TAF1L: variants seen among roughly 807,000 people sequenced by gnomAD.
The protein encoded by TAF1L is TATA-box binding protein associated factor 1 like.
TAF1L carries 30 observed loss-of-function variants against 128.8 expected under a neutral mutation model. That is an observed-to-expected ratio of 0.23 (90% CI 0.17 to 0.32). The LOEUF (loss-of-function observed/expected upper bound fraction) is 0.32. TAF1L is among the 10% of genes least tolerant of loss of function. The pLI, the probability that TAF1L is intolerant of heterozygous loss-of-function variation, is 1.00. For missense variants in TAF1L, 2,099 were observed against 2,253.7 expected, an observed-to-expected ratio of 0.93 and a Z score of 1.39; for synonymous variants, 764 against 790.7, an observed-to-expected ratio of 0.97 and a Z score of 0.57.
rs752145675 is a variant in TAF1L at position 32,635,006 on chromosome 9, G to C, written c.574C>G (p.Pro192Ala). The C allele has an allele frequency of 1.2e-6, 2 of 1,613,892 alleles. No individual in the cohort carries two copies. Among genetic ancestry groups the C allele is most frequent in the Non-Finnish European group, 1.7e-6 (2 of 1,180,024 alleles). Residue 192 changes from proline to alanine, a missense_variant, in exon 1 of 1, where the codon CCT becomes GCT. Physicochemically the swap from Pro to Ala is conservative, Grantham distance 27. This residue lies in a region of TAF1L where 473 missense variants were observed against 429.6 expected (regional missense o/e 1.10). Transcript: ENST00000242310. ...ACTTTCTCTGAGGCCAAAAAGGAAG[G>C]GGCAATGATGGAGGGCAAGATGATG... Reference protein sequence around the residue: ...EDIILPSIIAPSFLASEKVDF... With the variant: ...EDIILPSIIAASFLASEKVDF...
Position 32,629,990 on chromosome 9 carries a change from G to C in TAF1L, c.*109C>G. 1 of 1,564,562 alleles carries C rather than the reference G, an allele frequency of 6.4e-7. No individual in the cohort carries two copies. Among genetic ancestry groups the C allele is most frequent in the Non-Finnish European group, 8.7e-7 (1 of 1,155,460 alleles). On this transcript the variant is annotated 3_prime_UTR_variant, in exon 1 of 1. Transcript: ENST00000242310. ...CGATGCTGCTGAAGCTTGTGTCTTG[G>C]GTGTTCAACTTGGGATCAGGCTCCT...
rs747968495 is a variant in TAF1L, at chr9:32,630,990, C to T, written c.4590G>A (p.Leu1530=). The stretch of plus-strand genomic sequence containing the variant: ...TCATTTTCTGGGTGACAATGTTGTC[C>T]AGAATGAAAGAAAATGCCACTTGGT... ...DDDQVAFSFI[L]DNIVTQKMMA... Residue 1530 remains leucine (L), a synonymous_variant, in exon 1 of 1, where the codon CTG becomes CTA. Transcript: ENST00000242310. 6.2e-7 allele frequency: 1 copy of T among 1,614,060 alleles called. No homozygotes were observed. The highest frequency in any genetic ancestry group is 8.5e-7 in the Non-Finnish European group (1 of 1,180,020).
At position 32,632,567 on chromosome 9, in the gene TAF1L, T is replaced by C. The variant is rs1337586666; in HGVS notation, c.3013A>G (p.Lys1005Glu). The C allele has an allele frequency of 1.9e-6, 3 of 1,614,240 alleles. No individual in the cohort carries two copies. The highest frequency in any genetic ancestry group is 3.3e-5 in the Admixed American group (2 of 60,024). Residue 1005 changes from lysine to glutamate, a missense_variant, in exon 1 of 1, where the codon AAG (lysine) becomes GAG (glutamate). By Grantham distance (56) the Lys-to-Glu change is moderately conservative. Coordinates refer to ENST00000242310, the MANE Select transcript of TAF1L (RefSeq NM_153809.2). This position sits in a 1 kb window ranked among gnomAD's most constrained non-coding sequence, Gnocchi z 4.4. ...KDDKEPQAVK[K>E]TVTGTDADLR... ...TCTGCATCTGTTCCTGTCACTGTCT[T>C]CTTCACTGCCTGTGGCTCTTTATCA...
Position 32,630,533 on chromosome 9 carries a change from C to A in TAF1L, c.5047G>T (p.Val1683Leu). ...TSLSTSRDAS[V>L]FQDESNLSVL... Reference sequence around the variant, plus strand: ...GACAAATTGCTCTCATCTTGAAATACAGAGGCATCTCGAGACGTACTGAGG... The same window carrying A: ...GACAAATTGCTCTCATCTTGAAATAAAGAGGCATCTCGAGACGTACTGAGG... Residue 1683 changes from valine (V) to leucine (L), a missense_variant, in exon 1 of 1, where the codon GTA becomes TTA. Around this residue, in one of 4 missense-constraint regions of TAF1L, gnomAD observed 404 missense variants for 406.5 expected, o/e 0.99. Coordinates refer to ENST00000242310, the MANE Select transcript of TAF1L (RefSeq NM_153809.2). The A allele has an allele frequency of 6.2e-7, 1 of 1,614,216 alleles. No individual in the cohort carries two copies.
In TAF1L at chr9:32,634,691, C is replaced by T. The variant is rs751157813; in HGVS notation, c.889G>A (p.Val297Met). ...ELIQEEQIQE[V>M]ECSVESEVSQ... The stretch of plus-strand genomic sequence containing the variant: ...ACTTCTGATTCTACTGAGCATTCCA[C>T]CTCCTGGATCTGCTCTTCCTGTATC... Residue 297 changes from valine to methionine, a missense_variant, in exon 1 of 1, where the codon GTG becomes ATG. Val to Met is a conservative substitution (Grantham distance 21). Transcript: ENST00000242310. The T allele has an allele frequency of 6.2e-7, 1 of 1,614,166 alleles. No individual in the cohort carries two copies. Among genetic ancestry groups the T allele is most frequent in the African/African-American group, 1.3e-5 (1 of 75,034 alleles).
At position 32,631,909 on chromosome 9, in the gene TAF1L, A is replaced by C. The variant is rs761527217; in HGVS notation, c.3671T>G (p.Phe1224Cys). 1.2e-6 allele frequency: 2 copies of C among 1,614,152 alleles called. No homozygotes were observed. Among genetic ancestry groups the C allele is most frequent in the Admixed American group, 3.3e-5 (2 of 60,018 alleles). The change falls in exon 1 of 1, where the codon TTC becomes TGC. Residue 1224 changes from phenylalanine to cysteine, a missense_variant. Phe to Cys is a radical substitution (Grantham distance 205). Coordinates refer to ENST00000242310, the MANE Select transcript of TAF1L (RefSeq NM_153809.2). This position sits in a 1 kb window ranked among gnomAD's most constrained non-coding sequence, Gnocchi z 4.1. The stretch of plus-strand genomic sequence containing the variant: ...ATCAAAAAGGGCAAATTTTTGAATG[A>C]ATTTCTCATCTTTTGTAGTCCGTAT... ...VRIRTTKDEK[F>C]IQKFALFDEK...
Position 32,635,106 on chromosome 9 carries a change from T to C in TAF1L, c.474A>G (p.Pro158=). Residue 158 remains proline, a synonymous_variant, in exon 1 of 1, where the codon CCA becomes CCG. Coordinates refer to ENST00000242310, the MANE Select transcript of TAF1L (RefSeq NM_153809.2). ...EDIDCKLMPP[P]PPPPGPMKKD... ...TCTTCATTGGTCCCGGGGGTGGAGG[T>C]GGAGGAGGCATCAACTTGCAATCAA... The C allele has an allele frequency of 2.5e-6, 4 of 1,613,926 alleles. No homozygotes were observed. The highest frequency in any genetic ancestry group is 2.2e-5 in the East Asian group (1 of 44,864).
In TAF1L at chr9:32,630,695, G is replaced by C. The variant is rs1822506088; in HGVS notation, c.4885C>G (p.His1629Asp). 1.2e-6 allele frequency: 2 copies of C among 1,614,054 alleles called. No homozygotes were observed. Among genetic ancestry groups the C allele is most frequent in the Non-Finnish European group, 1.7e-6 (2 of 1,180,040 alleles). ...ATATCCTTCTCAAGTTGAGTCAAAT[G>C]CTCATCATACTCAGTAATTGTCTGG... ...CYQTITEYDE[H>D]LTQLEKDICT... Residue 1629 changes from histidine to aspartate, a missense_variant, in exon 1 of 1, where the codon CAT (histidine) becomes GAT (aspartate). His to Asp is a moderately conservative substitution (Grantham distance 81). This residue lies in a region of TAF1L where 404 missense variants were observed against 406.5 expected (regional missense o/e 0.99). Transcript: ENST00000242310.
rs1822557670 is a variant in TAF1L, at chr9:32,634,539, T to C, written c.1041A>G (p.Val347=). ...TTGGTTTGGTATCTGTCACTTTATC[T>C]ACATCTCCAGTTGATTGGGAAAATT... is the stretch of plus-strand genomic sequence containing the variant. The part of the protein sequence containing the change: ...ESKFSQSTGD[V]DKVTDTKPRV... Residue 347 remains valine, a synonymous_variant, in exon 1 of 1, where the codon GTA becomes GTG. Coordinates refer to ENST00000242310, the MANE Select transcript of TAF1L (RefSeq NM_153809.2). 1 of 1,614,204 alleles carries C rather than the reference T, an allele frequency of 6.2e-7. No homozygotes were observed. The highest frequency in any genetic ancestry group is 8.5e-7 in the Non-Finnish European group (1 of 1,180,028).
chr9:32,633,353 A>G lies in TAF1L; in HGVS notation c.2227T>C (p.Tyr743His), dbSNP rs1472659173. 2 of 1,614,240 alleles carry G rather than the reference A, an allele frequency of 1.2e-6. No individual in the cohort carries two copies. Among genetic ancestry groups the G allele is most frequent in the Admixed American group, 1.7e-5 (1 of 60,022 alleles). ...APDCKYGETV[Y>H]CHTSPFLGSL... ...CCCAAGAAAGGAGATGTATGGCAGT[A>G]AACAGTTTCCCCATATTTACAATCT... is the stretch of plus-strand genomic sequence containing the variant. Residue 743 changes from tyrosine to histidine, a missense_variant, in exon 1 of 1, where the codon TAC becomes CAC. Physicochemically the swap from Tyr to His is moderately conservative, Grantham distance 83 (BLOSUM62 2). Around this residue, in one of 4 missense-constraint regions of TAF1L, gnomAD observed 1,213 missense variants for 1,391.4 expected, o/e 0.87. Coordinates refer to ENST00000242310, the MANE Select transcript of TAF1L (RefSeq NM_153809.2).
rs1317415392 is a variant in TAF1L, at chr9:32,632,502, T to C, written c.3078A>G (p.Leu1026=). Residue 1026 remains leucine (L), a synonymous_variant, in exon 1 of 1, where the codon CTA becomes CTG. Transcript: ENST00000242310. The surrounding 1 kb of genome is among the most constrained non-coding windows in gnomAD (Gnocchi z 4.4). ...CTTCCTCAGGCACACCAAATTTACG[T>C]AGAAGTTGCTTGGCATTTTTCAGGG... ...RLSLKNAKQL[L]RKFGVPEEEI... 4 of 1,614,242 alleles carry C rather than the reference T, an allele frequency of 2.5e-6. No individual in the cohort carries two copies. The highest frequency in any genetic ancestry group is 1.1e-5 in the South Asian group (1 of 91,090).
chr9:32,633,979 T>A lies in TAF1L; in HGVS notation c.1601A>T (p.Asp534Val). The part of the protein sequence containing the change: ...NDENLILEIP[D>V]EKEEATSNSP... ...GTTAGAGGTGGCCTCTTCCTTCTCA[T>A]CAGGAATTTCCAAAATGAGGTTCTC... Residue 534 changes from aspartate (D) to valine (V), a missense_variant, in exon 1 of 1, where the codon GAT (aspartate) becomes GTT (valine). This residue lies in a region of TAF1L where 1,213 missense variants were observed against 1,391.4 expected (regional missense o/e 0.87). Transcript: ENST00000242310. 1 of 1,614,132 alleles carries A rather than the reference T, an allele frequency of 6.2e-7. No homozygotes were observed. Among genetic ancestry groups the A allele is most frequent in the Non-Finnish European group, 8.5e-7 (1 of 1,180,036 alleles).
Position 32,635,619 on chromosome 9 carries a change from C to T in TAF1L, c.-40G>A. 2.2e-6 allele frequency: 3 copies of T among 1,391,108 alleles called. No individual in the cohort carries two copies. Among genetic ancestry groups the T allele is most frequent in the South Asian group, 2.5e-5 (2 of 81,024 alleles). 86.2% of individuals were successfully genotyped at this position (1,391,108 alleles called of 1,614,324 possible). Reference sequence around the variant, plus strand: ...ACAACAGTCGCCCGGAAGTGATCTACTTAGCTCCCTTACCCTACCAGCGTC... The same window carrying T: ...ACAACAGTCGCCCGGAAGTGATCTATTTAGCTCCCTTACCCTACCAGCGTC... On this transcript the variant is annotated 5_prime_UTR_variant, in exon 1 of 1. Coordinates refer to ENST00000242310, the MANE Select transcript of TAF1L (RefSeq NM_153809.2).
rs772228499 is a variant in TAF1L at position 32,634,622 on chromosome 9, G to T, written c.958C>A (p.Pro320Thr). The T allele has an allele frequency of 2.5e-6, 4 of 1,614,174 alleles. No individual in the cohort carries two copies. The highest frequency in any genetic ancestry group is 3.4e-6 in the Non-Finnish European group (4 of 1,180,030). Residue 320 changes from proline (P) to threonine (T), a missense_variant, in exon 1 of 1, where the codon CCC (proline) becomes ACC (threonine). By Grantham distance (38) the Pro-to-Thr change is conservative (BLOSUM62 -1). This residue lies in a region of TAF1L where 473 missense variants were observed against 429.6 expected (regional missense o/e 1.10). Coordinates refer to ENST00000242310, the MANE Select transcript of TAF1L (RefSeq NM_153809.2). ...TCATCAGCGAGACACTGCTCTGGGGGTGGTGGTGGAGCATAGTCATAGTTC... is the reference window on the plus strand; with the variant it reads ...TCATCAGCGAGACACTGCTCTGGGGTTGGTGGTGGAGCATAGTCATAGTTC... ...LWNYDYAPPP[P>T]PEQCLADDEI...
Position 32,629,801 on chromosome 9 carries a change from G to C in TAF1L, c.*298C>G. The C allele has an allele frequency of 1.9e-6, 1 of 525,804 alleles. No homozygotes were observed. Among genetic ancestry groups the C allele is most frequent in the Non-Finnish European group, 3.4e-6 (1 of 296,564 alleles). 32.6% of individuals were successfully genotyped at this position (525,804 alleles called of 1,614,324 possible). ...GCCTCCCGAGTATCTGGGGATTACA[G>C]GCGTGCACCACCACACCTGGCTAAT... On this transcript the variant is annotated 3_prime_UTR_variant, in exon 1 of 1. Transcript: ENST00000242310.
Position 32,634,265 on chromosome 9 carries a change from C to G in TAF1L, c.1315G>C (p.Asp439His), listed in dbSNP as rs141239475. The change falls in exon 1 of 1, where the codon GAT becomes CAT. Residue 439 changes from aspartate to histidine, a missense_variant. Physicochemically the swap from Asp to His is moderately conservative, Grantham distance 81 (BLOSUM62 -1). Around this residue, in one of 4 missense-constraint regions of TAF1L, gnomAD observed 1,213 missense variants for 1,391.4 expected, o/e 0.87. Coordinates refer to ENST00000242310, the MANE Select transcript of TAF1L (RefSeq NM_153809.2). ...WEDSIIWDGE[D>H]IKHKGTKPQG... ...GGTTTTGTCCCTTTGTGTTTGATATCCTCCCCATCCCAGATGATAGAATCC... is the reference window on the plus strand; with the variant it reads ...GGTTTTGTCCCTTTGTGTTTGATATGCTCCCCATCCCAGATGATAGAATCC... The G allele has an allele frequency of 3.7e-6, 6 of 1,614,180 alleles. No individual in the cohort carries two copies. The African/African-American group carries it at 8.0e-5, about 22-fold the overall frequency.
chr9:32,631,745 G>C lies in TAF1L; in HGVS notation c.3835C>G (p.Leu1279Val). 1 of 1,614,090 alleles carries C rather than the reference G, an allele frequency of 6.2e-7. No homozygotes were observed. ...KPKKMKERPD[L>V]KLKCGACGAI... ...CCACATGCCCCACATTTCAGTTTTA[G>C]GTCAGGACGCTCTTTCATTTTCTTG... The change falls in exon 1 of 1, where the codon CTA (leucine) becomes GTA (valine). Residue 1279 changes from leucine to valine, a missense_variant. This residue lies in a region of TAF1L where 1,213 missense variants were observed against 1,391.4 expected (regional missense o/e 0.87). Transcript: ENST00000242310. This position sits in a 1 kb window ranked among gnomAD's most constrained non-coding sequence, Gnocchi z 4.1.
chr9:32,629,955 T>C lies in TAF1L; in HGVS notation c.*144A>G. The C allele has an allele frequency of 2.0e-6, 3 of 1,496,100 alleles. No individual in the cohort carries two copies. Among genetic ancestry groups the C allele is most frequent in the Non-Finnish European group, 2.7e-6 (3 of 1,111,504 alleles). The allele number at this position is 1,496,100 out of a possible 1,614,324, so 92.7% of individuals were successfully genotyped here. A position where few individuals can be genotyped will look rare whatever the true frequency, so the allele number is the denominator to read the frequency against. ...ACAGGTGTGAGCCACCATGCCCAGCTGGAAATTTCCGATGCTGCTGAAGCT... is the reference window on the plus strand; with the variant it reads ...ACAGGTGTGAGCCACCATGCCCAGCCGGAAATTTCCGATGCTGCTGAAGCT... On this transcript the variant is annotated 3_prime_UTR_variant, in exon 1 of 1. Coordinates refer to ENST00000242310, the MANE Select transcript of TAF1L (RefSeq NM_153809.2).
chr9:32,632,458 C>A lies in TAF1L; in HGVS notation c.3122G>T (p.Arg1041Leu). 3 of 1,614,182 alleles carry A rather than the reference C, an allele frequency of 1.9e-6. No individual in the cohort carries two copies. The highest frequency in any genetic ancestry group is 1.3e-5 in the African/African-American group (1 of 75,032). Residue 1041 changes from arginine (R) to leucine (L), a missense_variant, in exon 1 of 1, where the codon CGC (arginine) becomes CTC (leucine). Coordinates refer to ENST00000242310, the MANE Select transcript of TAF1L (RefSeq NM_153809.2). This position sits in a 1 kb window ranked among gnomAD's most constrained non-coding sequence, Gnocchi z 4.4. ...GCGCACCACATCAATCACTTCCCAG[C>A]GGGACAACTTTTTAATCTCTTCCTC... ...VPEEEIKKLSRWEVIDVVRTM... is the reference protein window; with the variant it reads ...VPEEEIKKLSLWEVIDVVRTM...
Sources: gnomAD v4.1 joint callset for allele counts on GRCh38, gnomAD v4.1.1 for gene constraint, gnomAD v4.1.1 regional missense constraint, Gnocchi (gnomAD v3.1) non-coding constraint, MANE v1.5 for transcripts, NCBI Gene and HGNC (gene_info 2026-07-23, HGNC 2026-07-21) for gene names.